The following SMAD2 variants were observed in gnomAD, a reference collection of about 807,000 sequenced individuals.
SMAD2 encodes the protein SMAD family member 2.
Under a neutral mutation model 64.4 loss-of-function variants are expected in SMAD2, and 8 were observed. The observed-to-expected ratio is 0.12, with a 90% CI of 0.07 to 0.22. SMAD2 has a LOEUF of 0.22. SMAD2 is among the 10% of genes least tolerant of loss of function. SMAD2 has a pLI of 1.00. For synonymous variants in SMAD2, 203 were observed against 195.8 expected, an observed-to-expected ratio of 1.04 and a Z score of -0.31; for missense variants, 289 against 561.2, an observed-to-expected ratio of 0.51 and a Z score of 4.90.
At chr18:47,851,753 T>C (rs903728097) in intron 6 of SMAD2, among the ~76,000 whole-genome samples, 1 of 151,922 alleles carries the variant, frequency 6.6e-6, no homozygotes, top group African/African-American at 2.4e-5. Flanking sequence ...TATCTACATA[T>C]CAATTAGTCA....
In SMAD2 at chr18:47,837,858, TTAAAG is replaced by T. The variant is rs1288340134; in HGVS notation, c.*3964_*3968del. ...AGGCGCAAATTGGAATGTTCAGCTT[TTAAAG>T]TAAAGACTGTACATGAAGACATATT... On this transcript the variant is annotated 3_prime_UTR_variant, in exon 11 of 11. Coordinates refer to ENST00000262160, the MANE Select transcript of SMAD2 (RefSeq NM_005901.6). The T allele has an allele frequency of 3.9e-5, 9 of 232,932 alleles. No individual in the cohort carries two copies. Among genetic ancestry groups the T allele is most frequent in the African/African-American group, 1.5e-4 (7 of 45,422 alleles). 14.4% of individuals were successfully genotyped at this position (232,932 alleles called of 1,614,324 possible).
At chr18:47,895,262 C>G (rs1028933247) in intron 2 of SMAD2, 1 of 152,232 alleles carries the variant, frequency 6.6e-6, no homozygotes, top group East Asian at 1.9e-4. Flanking sequence ...ATACAAGAAG[C>G]TCACCTCAGT....
chr18:47,847,973 C>G (rs917399854), intron 8 of SMAD2, among the ~76,000 whole-genome samples: 1 of 152,002 alleles, frequency 6.6e-6, no homozygotes, highest in African/African-American at 2.4e-5. Context: ...TTTGAGATGT[C>G]CCTGAATTAT....
Position 47,817,440 on chromosome 18 carries a change from T to A in SMAD2, c.*24387A>T, listed in dbSNP as rs573344634. On this transcript the variant is annotated 3_prime_UTR_variant, in exon 11 of 11. Transcript: ENST00000262160. ...GTCCTTTTTGATATAAAGACAAGTG[T>A]CCCTCTGGTTTGAGTACTCTGGATT... 6.6e-6 allele frequency: 1 copy of A among 152,348 alleles called. No homozygotes were observed. Among genetic ancestry groups the A allele is most frequent in the East Asian group, 1.9e-4 (1 of 5,182 alleles). The allele number at this position is 152,348 out of a possible 1,614,324, so 9.4% of individuals were successfully genotyped here. A position where few individuals can be genotyped will look rare whatever the true frequency, so the allele number is the denominator to read the frequency against.
At chr18:47,869,640 A>G (rs1282699918) in intron 3 of SMAD2, among the ~76,000 whole-genome samples, 1 of 152,186 alleles carries the variant, frequency 6.6e-6, no homozygotes, top group Admixed American at 6.6e-5. Flanking sequence ...GATGTTTCTT[A>G]TAAATATGTC....
At position 47,882,876 on chromosome 18, in the gene SMAD2, T is replaced by A. The variant is rs369841529; in HGVS notation, c.237-12312A>T. 4.6e-5 allele frequency among the ~76,000 whole-genome samples: 7 copies of A among 152,356 alleles called. No individual in the cohort carries two copies. In the South Asian group the frequency reaches 1.5e-3, roughly 32 times the overall value. On this transcript the variant is annotated intron_variant, in intron 2 of 10. Coordinates refer to ENST00000262160, the MANE Select transcript of SMAD2 (RefSeq NM_005901.6). Reference sequence around the variant, plus strand: ...TAAATTTCATCATTACAGTTAGTCATCAAATTTAATGGCATAAAATTGTTT... The same window carrying A: ...TAAATTTCATCATTACAGTTAGTCAACAAATTTAATGGCATAAAATTGTTT...
At position 47,841,173 on chromosome 18, in the gene SMAD2, A is replaced by C. The variant is rs1477458805; in HGVS notation, c.*654T>G. The C allele has an allele frequency of 1.3e-5, 3 of 232,202 alleles. No homozygotes were observed. Among genetic ancestry groups the C allele is most frequent in the African/African-American group, 2.2e-5 (1 of 45,152 alleles). The allele number at this position is 232,202 out of a possible 1,614,324, so 14.4% of individuals were successfully genotyped here. ...AAAAAAAAACAAAAAAAAACAAAAA[A>C]CCACAAAAAGAATGACTGTTTAAGC... On this transcript the variant is annotated 3_prime_UTR_variant, in exon 11 of 11. Transcript: ENST00000262160.
chr18:47,895,056 C>T (rs1309600466), intron 2 of SMAD2, among the ~76,000 whole-genome samples: 3 of 152,308 alleles, frequency 2.0e-5, no homozygotes, highest in African/African-American at 4.8e-5. Flanking sequence ...CTACTACACA[C>T]ATACCACTCT....
At position 47,834,137 on chromosome 18, in the gene SMAD2, T is replaced by C. The variant is rs187253715; in HGVS notation, c.*7690A>G. The C allele has an allele frequency of 7.5e-4, 161 of 213,402 alleles. 2 individuals are homozygous for C. The highest frequency in any genetic ancestry group is 1.5e-3 in the Middle Eastern group (1 of 670). The allele number at this position is 213,402 out of a possible 1,614,324, so 13.2% of individuals were successfully genotyped here. A position where few individuals can be genotyped will look rare whatever the true frequency, so the allele number is the denominator to read the frequency against. ...CATATCCCAATAAGTATCAGAAATGTTGACAGCCATAGTGCAGCTGAGTTT... is the reference window on the plus strand; with the variant it reads ...CATATCCCAATAAGTATCAGAAATGCTGACAGCCATAGTGCAGCTGAGTTT... On this transcript the variant is annotated 3_prime_UTR_variant, in exon 11 of 11. Coordinates refer to ENST00000262160, the MANE Select transcript of SMAD2 (RefSeq NM_005901.6).
At chr18:47,853,448 C>T (rs2030335414) in intron 6 of SMAD2, 1 of 214,580 alleles carries the variant, frequency 4.7e-6, no homozygotes, top group Non-Finnish European at 8.7e-6. Context: ...CGCTTGAATC[C>T]AGGAGGCGGA....
At position 47,809,988 on chromosome 18, in the gene SMAD2, G is replaced by A. The variant is rs1485605978; in HGVS notation, c.*31839C>T. ...ATTTGCCAAAAGCCATCCCAAAGAGGGCTGATATCGTCTGTTAAATGCTGT... is the reference window on the plus strand; with the variant it reads ...ATTTGCCAAAAGCCATCCCAAAGAGAGCTGATATCGTCTGTTAAATGCTGT... On this transcript the variant is annotated 3_prime_UTR_variant, in exon 11 of 11. Transcript: ENST00000262160. 6.6e-6 allele frequency: 1 copy of A among 152,036 alleles called. No homozygotes were observed. The highest frequency in any genetic ancestry group is 1.5e-5 in the Non-Finnish European group (1 of 68,020). 9.4% of individuals were successfully genotyped at this position (152,036 alleles called of 1,614,324 possible).
At chr18:47,896,071 CCACCTAA>C (rs1230114207) in intron 2 of SMAD2, among the ~76,000 whole-genome samples, 3 of 152,200 alleles carry the variant, frequency 2.0e-5, no homozygotes, top group Non-Finnish European at 4.4e-5. Context: ...AATTAAGAAG[CCACCTAA>C]CACACTATTC....
chr18:47,848,987 A>C (rs543932140), intron 7 of SMAD2, among the ~76,000 whole-genome samples: 13 of 152,192 alleles, frequency 8.5e-5, no homozygotes, highest in African/African-American at 3.1e-4. Context: ...GCTCCTGTTC[A>C]AATACAAAAC....
At chr18:47,917,177 C>G (rs1488472404) in intron 1 of SMAD2, among the ~76,000 whole-genome samples, 1 of 152,206 alleles carries the variant, frequency 6.6e-6, no homozygotes, top group East Asian at 1.9e-4. Flanking sequence ...GCTAATTGTA[C>G]TCTTCCAATC....
chr18:47,850,306 T>TATATA (rs1915089576), intron 7 of SMAD2, among the ~76,000 whole-genome samples: 2 of 39,964 alleles, frequency 5.0e-5, no homozygotes, highest in Non-Finnish European at 8.2e-5. Flanking sequence ...ATATATATTA[T>TATATA]GTATGTTATA....
At position 47,820,217 on chromosome 18, in the gene SMAD2, A is replaced by T. The variant is rs1019673967; in HGVS notation, c.*21610T>A. 30 of 152,212 alleles carry T rather than the reference A, an allele frequency of 2.0e-4. No individual in the cohort carries two copies. The highest frequency in any genetic ancestry group is 7.0e-4 in the African/African-American group (29 of 41,458). 9.4% of individuals were successfully genotyped at this position (152,212 alleles called of 1,614,324 possible). The stretch of plus-strand genomic sequence containing the variant: ...TGGGCCTATTAATATACAAAGTTAT[A>T]AGGAAACATGTTTCTAAAAATTATA... On this transcript the variant is annotated 3_prime_UTR_variant, in exon 11 of 11. Coordinates refer to ENST00000262160, the MANE Select transcript of SMAD2 (RefSeq NM_005901.6).
chr18:47,889,588 G>A (rs369208816), intron 2 of SMAD2, among the ~76,000 whole-genome samples: 38 of 152,164 alleles, frequency 2.5e-4, no homozygotes, highest in East Asian at 7.8e-4. Context: ...TGGCTAACAC[G>A]GTGAAACTCC....
intron 2 of SMAD2, among the ~76,000 whole-genome samples, chr18:47,881,599 T>C (rs543741874): frequency 2.3e-4 from 35 of 152,350 alleles, no homozygotes; most frequent in African/African-American, 8.2e-4. Context: ...TCCTGACTCA[T>C]TGCGCTTGCT....
chr18:47,818,887 T>C lies in SMAD2; in HGVS notation c.*22940A>G, dbSNP rs1035016132. The C allele has an allele frequency of 1.3e-5, 2 of 152,248 alleles. No individual in the cohort carries two copies. Among genetic ancestry groups the C allele is most frequent in the Non-Finnish European group, 2.9e-5 (2 of 68,042 alleles). The allele number at this position is 152,248 out of a possible 1,614,324, so 9.4% of individuals were successfully genotyped here. A position where few individuals can be genotyped will look rare whatever the true frequency, so the allele number is the denominator to read the frequency against. Reference sequence around the variant, plus strand: ...GTCCCACTTTCTCAGAAATATAATTTGAATCCAATAACTGTCTTTTATAAA... The same window carrying C: ...GTCCCACTTTCTCAGAAATATAATTCGAATCCAATAACTGTCTTTTATAAA... On this transcript the variant is annotated 3_prime_UTR_variant, in exon 11 of 11. Coordinates refer to ENST00000262160, the MANE Select transcript of SMAD2 (RefSeq NM_005901.6).
Sources: gnomAD v4.1 joint callset for allele counts (sites outside exome capture counted in the v4.1 genomes callset) on GRCh38, gnomAD v4.1.1 for gene constraint, MANE v1.5 for transcripts, NCBI Gene and HGNC (gene_info 2026-07-23, HGNC 2026-07-21) for gene names.